ITPR1: variants seen among roughly 807,000 people sequenced by gnomAD.
The protein encoded by ITPR1 is inositol 1,4,5-trisphosphate-gated calcium channel ITPR1.
Under a neutral mutation model 318.4 loss-of-function variants are expected in ITPR1, and 96 were observed. The ratio of observed to expected loss-of-function variants is 0.30; its 90% CI spans 0.26 to 0.36. The LOEUF (loss-of-function observed/expected upper bound fraction) is 0.36, where lower values mean the gene tolerates loss of function less well. Among genes scored for constraint, ITPR1 ranks in the 10% least tolerant of loss-of-function variants. The pLI is 1.00. For synonymous variants in ITPR1, 1,312 were observed against 1,289.9 expected (o/e 1.02, Z -0.37); for missense variants, 2,440 against 3,460.2 (o/e 0.71, Z 7.40).
chr3:4,643,167 A>G (rs1427399007), intron 7 of ITPR1, among the ~76,000 whole-genome samples: 3 of 152,258 alleles, frequency 2.0e-5, no homozygotes, highest in African/African-American at 7.2e-5. Context: ...GTGAACAGAA[A>G]GAAAAGCCCA....
intron 26 of ITPR1, among the ~76,000 whole-genome samples, chr3:4,681,624 AGT>A (rs10665371): frequency 0.11 from 16,371 of 145,670 alleles, 1,246 homozygotes; most frequent in East Asian, 0.42. Context: ...AGAGAGAGAA[AGT>A]GTGTGTGTGT....
chr3:4,755,404 A>ATT (rs71053440), intron 44 of ITPR1, among the ~76,000 whole-genome samples: 2 of 143,862 alleles, frequency 1.4e-5, no homozygotes, highest in African/African-American at 5.3e-5. Context: ...AATTAAAAAC[A>ATT]TTTTTTTTTT....
intron 4 of ITPR1, among the ~76,000 whole-genome samples, chr3:4,538,596 T>C (rs1288796490): frequency 6.6e-6 from 1 of 152,138 alleles, no homozygotes; most frequent in African/African-American, 2.4e-5. Context: ...TACATGCACA[T>C]GTATGTTCAT....
chr3:4,536,335 G>A (rs1386188788), intron 4 of ITPR1, among the ~76,000 whole-genome samples: 1 of 152,186 alleles, frequency 6.6e-6, no homozygotes, highest in Non-Finnish European at 1.5e-5. Context: ...AATTGGAAGG[G>A]TGAGGTATAT....
rs1192074303 is a variant in ITPR1, at chr3:4,766,584, GTGTTTTA to G, written c.5602_5608del (p.Phe1868ThrfsTer3). On this transcript the variant is annotated frameshift_variant, in exon 45 of 62. Coordinates refer to ENST00000649015, the MANE Select transcript of ITPR1 (RefSeq NM_001378452.1). LOFTEE classifies it high-confidence loss of function. ...TAAGAAGTCAGAGAAATTCTTTAAG[GTGTTTTA>G]TGACCGGATGAAGGTGGCCCAGCAA... 6.2e-7 allele frequency: 1 copy of G among 1,613,808 alleles called. No homozygotes were observed. The highest frequency in any genetic ancestry group is 8.5e-7 in the Non-Finnish European group (1 of 1,179,754).
chr3:4,732,415 C>T (rs955157436), intron 42 of ITPR1, among the ~76,000 whole-genome samples: 5 of 152,194 alleles, frequency 3.3e-5, no homozygotes, highest in South Asian at 2.1e-4. Flanking sequence ...TTATATCCCT[C>T]GCTGCTTCCC....
intron 30 of ITPR1, among the ~76,000 whole-genome samples, chr3:4,687,418 G>A (rs888511175): frequency 1.3e-5 from 2 of 152,088 alleles, no homozygotes; most frequent in African/African-American, 2.4e-5. Context: ...AGTAAACAGC[G>A]ACACTGAGAG....
chr3:4,512,674 AAT>A (rs911323611), intron 2 of ITPR1, among the ~76,000 whole-genome samples: 10 of 152,268 alleles, frequency 6.6e-5, no homozygotes, highest in South Asian at 4.2e-4. Flanking sequence ...GTGGAAGAAA[AAT>A]AAAAATAACT....
At chr3:4,641,816 A>C (rs1456372793) in intron 6 of ITPR1, among the ~76,000 whole-genome samples, 1 of 152,224 alleles carries the variant, frequency 6.6e-6, no homozygotes, top group Non-Finnish European at 1.5e-5. Flanking sequence ...GCAGGTTATG[A>C]TGGCACAGTT....
At chr3:4,596,895 A>G (rs940789536) in intron 4 of ITPR1, among the ~76,000 whole-genome samples, 7 of 152,200 alleles carry the variant, frequency 4.6e-5, no homozygotes, top group African/African-American at 1.4e-4. Context: ...GGGTCAGTAA[A>G]AGTACGTCAC....
chr3:4,841,368 T>C (rs1385081271), intron 61 of ITPR1, among the ~76,000 whole-genome samples: 3 of 152,100 alleles, frequency 2.0e-5, no homozygotes, highest in Non-Finnish European at 4.4e-5. Context: ...AGAAATGCAG[T>C]AGGGGGCTTC....
chr3:4,588,512 C>G (rs1411322722), intron 4 of ITPR1, among the ~76,000 whole-genome samples: 2 of 152,018 alleles, frequency 1.3e-5, no homozygotes, highest in Non-Finnish European at 1.5e-5. Context: ...CCCTGACTCT[C>G]TCTTCCGCTT....
At chr3:4,513,915 A>G (rs752278649) in intron 2 of ITPR1, among the ~76,000 whole-genome samples, 1 of 152,074 alleles carries the variant, frequency 6.6e-6, no homozygotes, top group Admixed American at 6.5e-5. Context: ...GCAAAACCCC[A>G]TCTCTACAAA....
chr3:4,655,967 T>A (rs759352612), intron 12 of ITPR1, among the ~76,000 whole-genome samples: 52 of 152,170 alleles, frequency 3.4e-4, no homozygotes, highest in Non-Finnish European at 6.6e-4. Context: ...ACCTCGAATT[T>A]TTTTGAGTTG....
chr3:4,708,524 T>C (rs1188907543), intron 37 of ITPR1, among the ~76,000 whole-genome samples: 3 of 152,182 alleles, frequency 2.0e-5, no homozygotes, highest in African/African-American at 7.2e-5. Context: ...TGCTTCCTGA[T>C]CCCACTATGC....
At chr3:4,740,158 G>T (rs1476416342) in intron 44 of ITPR1, among the ~76,000 whole-genome samples, 4 of 152,086 alleles carry the variant, frequency 2.6e-5, no homozygotes, top group African/African-American at 4.8e-5. Flanking sequence ...AATTGTTGGG[G>T]ACCACCTTTG....
rs2047307057 is a variant in ITPR1, at chr3:4,787,892, C to G, written c.6616-55C>G. ...GAGTCTACCACCAGTAGCAAATAGT[C>G]TTAGTAAAAGGTTTCAAAGATGAAT... On this transcript the variant is annotated intron_variant, in intron 51 of 61. Transcript: ENST00000649015. 5 of 1,292,614 alleles carry G rather than the reference C, an allele frequency of 3.9e-6. No homozygotes were observed. The South Asian group carries it at 4.0e-5, about 10-fold the overall frequency. The allele number at this position is 1,292,614 out of a possible 1,614,324, so 80.1% of individuals were successfully genotyped here. A position where few individuals can be genotyped will look rare whatever the true frequency, so the allele number is the denominator to read the frequency against.
At chr3:4,713,966 G>A (rs1308781664) in intron 39 of ITPR1, among the ~76,000 whole-genome samples, 1 of 152,154 alleles carries the variant, frequency 6.6e-6, no homozygotes, top group East Asian at 1.9e-4. Flanking sequence ...CGTGCTTCTG[G>A]CCCAATGCTT....
chr3:4,601,796 T>A (rs1364188005), intron 4 of ITPR1, among the ~76,000 whole-genome samples: 2 of 152,224 alleles, frequency 1.3e-5, no homozygotes, highest in Non-Finnish European at 2.9e-5. Context: ...CTTTCAATTT[T>A]TTTTATGATA....
Sources: allele counts gnomAD v4.1 joint callset (sites outside exome capture counted in the v4.1 genomes callset), GRCh38; gene constraint gnomAD v4.1.1; transcripts MANE v1.5; gene names NCBI Gene and HGNC (gene_info 2026-07-23, HGNC 2026-07-21).